Variants in OSBPL8 observed in about 807,000 individuals in gnomAD.
The protein encoded by OSBPL8 is oxysterol binding protein like 8, also known as oxysterol-binding protein-related protein 8.
A neutral mutation model predicts 125.5 loss-of-function variants in OSBPL8; 59 were observed. That is an observed-to-expected ratio of 0.47 (90% CI 0.38 to 0.58). The LOEUF (loss-of-function observed/expected upper bound fraction) is 0.58, where lower values mean the gene tolerates loss of function less well. OSBPL8 is among the 20% of genes least tolerant of loss of function. The pLI, the probability that OSBPL8 is intolerant of heterozygous loss-of-function variation, is 0.00. For synonymous variants in OSBPL8, 330 were observed against 338.9 expected (o/e 0.97, Z 0.29); for missense variants, 758 against 1,047.8 (o/e 0.72, Z 3.82).
intron 4 of OSBPL8, among the ~76,000 whole-genome samples, chr12:76,442,367 T>C (rs1029973977): frequency 6.6e-5 from 10 of 152,210 alleles, no homozygotes; most frequent in African/African-American, 2.4e-4. Context: ...AAATATTATA[T>C]TCTCTTTCAT....
chr12:76,373,778 A>G (rs1480726763), intron 17 of OSBPL8, among the ~76,000 whole-genome samples: 1 of 152,182 alleles, frequency 6.6e-6, no homozygotes, highest in Non-Finnish European at 1.5e-5. Flanking sequence ...ATCTTAAGCA[A>G]TAACAACTCA....
Position 76,355,799 on chromosome 12 carries a change from G to C in OSBPL8, c.*90C>G, listed in dbSNP as rs565274912. The C allele has an allele frequency of 6.6e-5, 93 of 1,417,628 alleles. No individual in the cohort carries two copies. The Admixed American group carries it at 2.2e-3, about 34-fold the overall frequency. The allele number at this position is 1,417,628 out of a possible 1,614,324, so 87.8% of individuals were successfully genotyped here. On this transcript the variant is annotated 3_prime_UTR_variant, in exon 24 of 24. Transcript: ENST00000261183. ...TAGGTTTTTTTGTTTTCGGAATATT[G>C]TGATTTTTAATAAAGACCAAACCAA...
intron 2 of OSBPL8, among the ~76,000 whole-genome samples, chr12:76,460,533 A>T (rs1874596711): frequency 6.6e-6 from 1 of 151,876 alleles, no homozygotes; most frequent in Non-Finnish European, 1.5e-5. Context: ...AATTAGAAAG[A>T]AGTTTTACTA....
At chr12:76,459,617 T>C (rs893126497) in intron 3 of OSBPL8, among the ~76,000 whole-genome samples, 1 of 151,992 alleles carries the variant, frequency 6.6e-6, no homozygotes, top group Admixed American at 6.5e-5. Flanking sequence ...AAGTAAATAA[T>C]GCATCTTAGG....
intron 5 of OSBPL8, among the ~76,000 whole-genome samples, chr12:76,409,154 C>T (rs1954401903): frequency 1.3e-5 from 2 of 152,086 alleles, no homozygotes; most frequent in Admixed American, 1.3e-4. Flanking sequence ...CTCTTCTAAG[C>T]TGAAGGAAAC....
chr12:76,552,816 T>C (rs1950983177), intron 1 of OSBPL8, among the ~76,000 whole-genome samples: 1 of 152,210 alleles, frequency 6.6e-6, no homozygotes, highest in Non-Finnish European at 1.5e-5. Flanking sequence ...GGGTTCGTGC[T>C]ATTCTGCCTC....
intron 2 of OSBPL8, among the ~76,000 whole-genome samples, chr12:76,475,988 G>A (rs73385509): frequency 0.12 from 17,714 of 152,152 alleles, 1,068 homozygotes; most frequent in South Asian, 0.18. Context: ...AACTACTACC[G>A]TCCACTGCGC....
intron 1 of OSBPL8, among the ~76,000 whole-genome samples, chr12:76,552,002 T>A (rs1453877172): frequency 6.6e-6 from 1 of 152,054 alleles, no homozygotes. Flanking sequence ...GGTTTTACTA[T>A]CCCTTAAGAG....
chr12:76,485,536 C>G (rs188000024), intron 2 of OSBPL8, among the ~76,000 whole-genome samples: 47 of 152,302 alleles, frequency 3.1e-4, no homozygotes, highest in Non-Finnish European at 5.6e-4. Context: ...CACGCCACCG[C>G]ACTCCAGAAA....
chr12:76,495,125 C>T (rs981231359), intron 1 of OSBPL8, among the ~76,000 whole-genome samples: 2 of 152,066 alleles, frequency 1.3e-5, no homozygotes, highest in African/African-American at 2.4e-5. Context: ...ATAACGAGAA[C>T]GTATTTAATT....
At chr12:76,419,410 A>G (rs1869181397) in intron 4 of OSBPL8, among the ~76,000 whole-genome samples, 1 of 152,228 alleles carries the variant, frequency 6.6e-6, no homozygotes, top group Admixed American at 6.5e-5. Context: ...GTATTCAAAC[A>G]AAAATTATAA....
chr12:76,530,051 A>G (rs2137328909), intron 1 of OSBPL8, among the ~76,000 whole-genome samples: 1 of 151,528 alleles, frequency 6.6e-6, no homozygotes, highest in East Asian at 1.9e-4. Flanking sequence ...AGATTTCCAC[A>G]TTTTTTTTCT....
intron 9 of OSBPL8, among the ~76,000 whole-genome samples, chr12:76,394,002 G>C (rs1209283428): frequency 1.3e-5 from 2 of 152,136 alleles, no homozygotes; most frequent in African/African-American, 2.4e-5. Context: ...GCTGGCAACA[G>C]AGCGAGACTC....
At chr12:76,432,912 T>C (rs983757852) in intron 4 of OSBPL8, among the ~76,000 whole-genome samples, 5 of 152,150 alleles carry the variant, frequency 3.3e-5, no homozygotes, top group African/African-American at 1.2e-4. Flanking sequence ...TCATACACTA[T>C]GGTCAAATGG....
intron 2 of OSBPL8, among the ~76,000 whole-genome samples, chr12:76,465,864 G>A (rs868094442): frequency 1.5e-4 from 23 of 151,966 alleles, no homozygotes; most frequent in Middle Eastern, 3.4e-3. Context: ...AAATTAGCTG[G>A]GTGTGGTGGT....
chr12:76,377,917 G>A (rs1304342164), intron 16 of OSBPL8, among the ~76,000 whole-genome samples: 10 of 152,094 alleles, frequency 6.6e-5, no homozygotes, highest in Admixed American at 6.6e-4. Flanking sequence ...TTAAATAAAT[G>A]CATTGAACAG....
chr12:76,416,773 AG>A (rs933671977), intron 4 of OSBPL8, among the ~76,000 whole-genome samples: 12 of 152,062 alleles, frequency 7.9e-5, no homozygotes, highest in Non-Finnish European at 1.5e-5. Flanking sequence ...TTAGATCATT[AG>A]TACTCAATAT....
At chr12:76,523,013 T>A (rs1179484556) in intron 1 of OSBPL8, among the ~76,000 whole-genome samples, 1 of 152,124 alleles carries the variant, frequency 6.6e-6, no homozygotes, top group Non-Finnish European at 1.5e-5. Context: ...AATTTTTGTA[T>A]TTTTTGTAGA....
intron 1 of OSBPL8, among the ~76,000 whole-genome samples, chr12:76,509,320 C>A (rs954363793): frequency 6.6e-6 from 1 of 152,102 alleles, no homozygotes; most frequent in African/African-American, 2.4e-5. Context: ...AATTGCCTAA[C>A]GATACATTTC....
Sources: gnomAD v4.1 joint callset for allele counts (sites outside exome capture counted in the v4.1 genomes callset) on GRCh38, gnomAD v4.1.1 for gene constraint, MANE v1.5 for transcripts, NCBI Gene and HGNC (gene_info 2026-07-23, HGNC 2026-07-21) for gene names.